The following NAALADL2 variants were observed in gnomAD, a reference collection of about 807,000 sequenced individuals.
NAALADL2 encodes the protein N-acetylated alpha-linked acidic dipeptidase like 2, also known as inactive N-acetylated-alpha-linked acidic dipeptidase-like protein 2.
A neutral mutation model predicts 87.2 loss-of-function variants in NAALADL2; 76 were observed. The observed-to-expected ratio is 0.87, with a 90% CI of 0.72 to 1.05. The LOEUF (loss-of-function observed/expected upper bound fraction) is 1.05, where lower values mean the gene tolerates loss of function less well. Among genes scored for constraint, NAALADL2 ranks in the 50% least tolerant of loss-of-function variants. The pLI, the probability that NAALADL2 is intolerant of heterozygous loss-of-function variation, is 0.00. For synonymous variants in NAALADL2, 354 were observed against 331.0 expected (o/e 1.07, Z -0.75); for missense variants, 1,089 against 945.8 (o/e 1.15, Z -1.99).
chr3:175,767,613 G>A (rs1748895226), intron 13 of NAALADL2: 1 of 152,026 alleles, frequency 6.6e-6, no homozygotes, highest in African/African-American at 2.4e-5. Context: ...GATTAGCATG[G>A]CCCTTGCGCA....
intron 4 of NAALADL2, among the ~76,000 whole-genome samples, chr3:175,292,786 C>T (rs1755801860): frequency 6.6e-6 from 1 of 151,762 alleles, no homozygotes; most frequent in African/African-American, 2.4e-5. Flanking sequence ...GCCTGTAATC[C>T]CAGCACTTTG....
intron 5 of NAALADL2, among the ~76,000 whole-genome samples, chr3:175,355,738 T>C (rs1032956181): frequency 6.6e-6 from 1 of 152,184 alleles, no homozygotes; most frequent in African/African-American, 2.4e-5. Flanking sequence ...AACAAAATTT[T>C]AACATACTGC....
intron 2 of NAALADL2, among the ~76,000 whole-genome samples, chr3:174,604,434 A>G (rs1290042557): frequency 1.3e-5 from 2 of 151,464 alleles, no homozygotes; most frequent in Non-Finnish European, 2.9e-5. Flanking sequence ...CCATCCCTCT[A>G]TTTTCAGTCT....
At chr3:175,150,156 A>T (rs7428334) in intron 2 of NAALADL2, among the ~76,000 whole-genome samples, 44,565 of 150,316 alleles carry the variant, frequency 0.3, 6,757 homozygotes, top group South Asian at 0.34. Context: ...TCTATGTTTT[A>T]TAACAATAGG....
intron 11 of NAALADL2, among the ~76,000 whole-genome samples, chr3:175,638,125 T>C (rs147400193): frequency 6.6e-6 from 1 of 152,340 alleles, no homozygotes; most frequent in East Asian, 1.9e-4. Context: ...AATTAGTGTG[T>C]TATTACCTCG....
At position 175,354,882 on chromosome 3, in the gene NAALADL2, A is replaced by ATG. The variant is rs34631233; in HGVS notation, c.1090+30557_1090+30558insTG. Among the ~76,000 whole-genome samples, 3 of 40,150 alleles carry ATG rather than the reference A, an allele frequency of 7.5e-5. No homozygotes were observed. In the South Asian group the frequency reaches 1.7e-3, roughly 23 times the overall value. The allele number at this position is 40,150 out of a possible 152,430, so 26.3% of individuals were successfully genotyped here. ...TATACATACATACATACATATATAT[A>ATG]CACACACACACACACACACACATAT... On this transcript the variant is annotated intron_variant, in intron 5 of 13. Transcript: ENST00000454872.
At chr3:175,540,763 T>C (rs1157443130) in intron 9 of NAALADL2, among the ~76,000 whole-genome samples, 16 of 152,126 alleles carry the variant, frequency 1.1e-4, no homozygotes, top group Non-Finnish European at 1.5e-4. Context: ...TCCAGGTTTC[T>C]GGACTGAGAA....
At chr3:174,569,598 T>C (rs1714684648) in intron 2 of NAALADL2, among the ~76,000 whole-genome samples, 1 of 152,124 alleles carries the variant, frequency 6.6e-6, no homozygotes, top group African/African-American at 2.4e-5. Flanking sequence ...ATCAGGTGTT[T>C]GAGTGTTAAA....
chr3:175,425,806 T>A (rs993609221), intron 5 of NAALADL2, among the ~76,000 whole-genome samples: 5 of 152,282 alleles, frequency 3.3e-5, no homozygotes, highest in Admixed American at 1.3e-4. Flanking sequence ...TGGCTAAATA[T>A]GTGGAGATAC....
At chr3:174,878,208 A>T (rs1490038193) in intron 1 of NAALADL2, among the ~76,000 whole-genome samples, 11 of 152,122 alleles carry the variant, frequency 7.2e-5, no homozygotes, top group Admixed American at 7.2e-4. Flanking sequence ...TTTGAGAAAA[A>T]TTTATATGAT....
In NAALADL2 at chr3:175,697,916, T is replaced by C. The variant is rs1363330521; in HGVS notation, c.1897-39390T>C. Among the ~76,000 whole-genome samples the C allele has an allele frequency of 1.7e-3, 67 of 40,118 alleles. 2 individuals are homozygous for C. The highest frequency in any genetic ancestry group is 9.5e-3 in the African/African-American group (65 of 6,862). The allele number at this position is 40,118 out of a possible 152,430, so 26.3% of individuals were successfully genotyped here. On this transcript the variant is annotated intron_variant, in intron 11 of 13. Coordinates refer to ENST00000454872, the MANE Select transcript of NAALADL2 (RefSeq NM_207015.3). ...ATGTATGTATACATATATATGTGTA[T>C]ATATGTATGTATACATATATATGTG...
intron 2 of NAALADL2, among the ~76,000 whole-genome samples, chr3:175,231,390 G>A (rs1560199106): frequency 6.6e-6 from 1 of 151,996 alleles, no homozygotes; most frequent in African/African-American, 2.4e-5. Context: ...TATTAAAAAT[G>A]ATGTAATAAA....
intron 3 of NAALADL2, among the ~76,000 whole-genome samples, chr3:175,251,091 CAAATT>C (rs1464466596): frequency 2.6e-5 from 4 of 152,114 alleles, no homozygotes; most frequent in Admixed American, 6.5e-5. Context: ...CTATGGCACT[CAAATT>C]AAAAACCATA....
intron 5 of NAALADL2, among the ~76,000 whole-genome samples, chr3:175,424,116 T>C (rs1384400437): frequency 1.3e-5 from 2 of 152,218 alleles, no homozygotes; most frequent in African/African-American, 4.8e-5. Context: ...TGGGGTTGTT[T>C]GATTTTTTTC....
In NAALADL2 at chr3:175,804,225, T is replaced by G. The variant is rs892435819; in HGVS notation, c.*1022T>G. On this transcript the variant is annotated 3_prime_UTR_variant, in exon 14 of 14. Coordinates refer to ENST00000454872, the MANE Select transcript of NAALADL2 (RefSeq NM_207015.3). ...AAAGAACTTACTATGAAAGAAATAG[T>G]TGTTTTATCAATAAAAGCCCCTTAA... is the stretch of plus-strand genomic sequence containing the variant. The G allele has an allele frequency of 2.6e-5, 4 of 151,962 alleles. No homozygotes were observed. Among genetic ancestry groups the G allele is most frequent in the African/African-American group, 9.7e-5 (4 of 41,444 alleles). The allele number at this position is 151,962 out of a possible 1,614,324, so 9.4% of individuals were successfully genotyped here. A position where few individuals can be genotyped will look rare whatever the true frequency, so the allele number is the denominator to read the frequency against.
At chr3:174,453,981 C>T (rs145046023) in intron 1 of NAALADL2, among the ~76,000 whole-genome samples, 7 of 152,072 alleles carry the variant, frequency 4.6e-5, no homozygotes, top group South Asian at 2.1e-4. Flanking sequence ...GGATAAAGAC[C>T]GAATTATATG....
intron 13 of NAALADL2, among the ~76,000 whole-genome samples, chr3:175,798,883 A>ATATT (rs1414589204): frequency 7.9e-5 from 12 of 152,060 alleles, no homozygotes; most frequent in Non-Finnish European, 1.8e-4. Context: ...TTGAATATGG[A>ATATT]TATTTAACAT....
At chr3:174,451,102 G>C (rs1715452522) in intron 1 of NAALADL2, among the ~76,000 whole-genome samples, 1 of 152,124 alleles carries the variant, frequency 6.6e-6, no homozygotes, top group South Asian at 2.1e-4. Context: ...TGTTTGTACA[G>C]AAAGGGTTGT....
intron 3 of NAALADL2, among the ~76,000 whole-genome samples, chr3:174,777,971 A>C (rs772812065): frequency 2.0e-5 from 3 of 152,128 alleles, no homozygotes; most frequent in Non-Finnish European, 4.4e-5. Context: ...ATTAGGAATA[A>C]ATATGCATAT....
Sources: allele counts gnomAD v4.1 joint callset (sites outside exome capture counted in the v4.1 genomes callset), GRCh38; gene constraint gnomAD v4.1.1; transcripts MANE v1.5; gene names NCBI Gene and HGNC (gene_info 2026-07-23, HGNC 2026-07-21).